CSTPP1: variants seen among roughly 807,000 people sequenced by gnomAD.
CSTPP1 encodes centriolar satellite-associated tubulin polyglutamylase complex regulator 1, also known as UPF0705 protein C11orf49.
the CSTPP1 span, chr11:47,156,954 GT>G: frequency 2.4e-5 from 36 of 1,527,744 alleles, no homozygotes; most frequent in Non-Finnish European, 3.2e-5. Context: ...GGAAGACATA[GT>G]GAACAGACAA....
chr11:47,030,353 T>C, the CSTPP1 span, among the ~76,000 whole-genome samples: 1 of 152,158 alleles, frequency 6.6e-6, no homozygotes. Context: ...CTGGAGGACA[T>C]AGAGTGCTGT....
At chr11:47,010,175 C>T in the CSTPP1 span, among the ~76,000 whole-genome samples, 6 of 152,122 alleles carry the variant, frequency 3.9e-5, no homozygotes, top group African/African-American at 9.6e-5. Context: ...AATGGAACTC[C>T]GGGAAGCGAA....
the CSTPP1 span, among the ~76,000 whole-genome samples, chr11:47,017,358 A>G: frequency 1.3e-5 from 2 of 151,888 alleles, no homozygotes; most frequent in South Asian, 2.1e-4. Context: ...TATTTTTAGT[A>G]GAGATGGGGT....
the CSTPP1 span, chr11:47,130,633 C>T: frequency 7.1e-6 from 1 of 140,058 alleles, no homozygotes; most frequent in Non-Finnish European, 1.6e-5. Context: ...GATGTCTTGC[C>T]TCCTTCTTCC....
At chr11:47,140,591 G>C in the CSTPP1 span, among the ~76,000 whole-genome samples, 1 of 151,684 alleles carries the variant, frequency 6.6e-6, no homozygotes, top group Non-Finnish European at 1.5e-5. Flanking sequence ...CACCATGCCC[G>C]GCTAATTTTT....
the CSTPP1 span, among the ~76,000 whole-genome samples, chr11:47,030,865 T>C: frequency 6.6e-6 from 1 of 152,214 alleles, no homozygotes; most frequent in African/African-American, 2.4e-5. Flanking sequence ...TTCTTTTCTA[T>C]GGCTGCAGAC....
chr11:47,006,197 A>C, the CSTPP1 span, among the ~76,000 whole-genome samples: 2 of 152,194 alleles, frequency 1.3e-5, no homozygotes, highest in Non-Finnish European at 2.9e-5. Flanking sequence ...CAAAACTATT[A>C]ACTAATCTAT....
the CSTPP1 span, among the ~76,000 whole-genome samples, chr11:47,081,364 ATC>A: frequency 1.3e-5 from 2 of 152,332 alleles, no homozygotes; most frequent in East Asian, 3.9e-4. Flanking sequence ...AGATATTAAA[ATC>A]TGTTATAAAG....
chr11:47,143,604 G>A, the CSTPP1 span, among the ~76,000 whole-genome samples: 1 of 152,212 alleles, frequency 6.6e-6, no homozygotes, highest in African/African-American at 2.4e-5. Context: ...CTCCATGACA[G>A]CAGCCAAGCC....
the CSTPP1 span, among the ~76,000 whole-genome samples, chr11:47,090,265 G>A: frequency 1.3e-5 from 2 of 152,160 alleles, no homozygotes; most frequent in African/African-American, 4.8e-5. Context: ...GATTACAGGC[G>A]TGAGCCACTG....
chr11:47,011,997 G>A, the CSTPP1 span, among the ~76,000 whole-genome samples: 3 of 152,026 alleles, frequency 2.0e-5, no homozygotes, highest in Non-Finnish European at 4.4e-5. Context: ...ATCAGGAGCC[G>A]GACATGATGG....
chr11:47,015,304 TAA>T, the CSTPP1 span, among the ~76,000 whole-genome samples: 1 of 142,458 alleles, frequency 7.0e-6, no homozygotes. Context: ...CCGTCTCTAC[TAA>T]AAAAAAAAAA....
At chr11:47,076,727 G>A in the CSTPP1 span, among the ~76,000 whole-genome samples, 6 of 151,952 alleles carry the variant, frequency 3.9e-5, no homozygotes, top group Admixed American at 2.0e-4. Context: ...CCAGCTACTC[G>A]GGAGACTGAG....
the CSTPP1 span, among the ~76,000 whole-genome samples, chr11:47,088,690 G>A: frequency 1.2e-4 from 18 of 151,996 alleles, no homozygotes; most frequent in Admixed American, 5.9e-4. Context: ...GGGACTACAC[G>A]CATGCACCAC....
the CSTPP1 span, among the ~76,000 whole-genome samples, chr11:47,072,706 TA>T: frequency 1.5e-5 from 2 of 136,056 alleles, no homozygotes; most frequent in East Asian, 3.4e-4. Context: ...CATATATGGA[TA>T]AAAAATGAAC....
At chr11:47,000,090 T>C in the CSTPP1 span, among the ~76,000 whole-genome samples, 1 of 152,216 alleles carries the variant, frequency 6.6e-6, no homozygotes, top group South Asian at 2.1e-4. Flanking sequence ...TACCTCTGAA[T>C]GTTGTCCTTC....
the CSTPP1 span, chr11:47,159,558 G>A: frequency 1.1e-5 from 5 of 449,498 alleles, no homozygotes; most frequent in Non-Finnish European, 2.2e-5. Context: ...TCAAGAGTAA[G>A]GGGGAGGCGG....
At chr11:46,968,435 CAT>C in the CSTPP1 span, among the ~76,000 whole-genome samples, 3 of 144,094 alleles carry the variant, frequency 2.1e-5, no homozygotes, top group Non-Finnish European at 3.0e-5. Flanking sequence ...AATATATATA[CAT>C]ATATATGTTT....
chr11:46,960,882 A>G, the CSTPP1 span, among the ~76,000 whole-genome samples: 3 of 152,124 alleles, frequency 2.0e-5, no homozygotes, highest in African/African-American at 7.2e-5. Context: ...AGATTCATCA[A>G]TTGTTGTAGG....
Sources: allele counts gnomAD v4.1 joint callset (sites outside exome capture counted in the v4.1 genomes callset), GRCh38; gene constraint gnomAD v4.1.1; transcripts MANE v1.5; gene names NCBI Gene and HGNC (gene_info 2026-07-23, HGNC 2026-07-21).